Variants in ATP9B observed in about 807,000 individuals in gnomAD.
ATP9B encodes the protein probable phospholipid-transporting ATPase IIB.
Under a neutral mutation model 146.1 loss-of-function variants are expected in ATP9B, and 110 were observed. That is an observed-to-expected ratio of 0.75 (90% CI 0.65 to 0.88). The LOEUF (loss-of-function observed/expected upper bound fraction) is 0.88, where lower values mean the gene tolerates loss of function less well. ATP9B is among the 40% of genes least tolerant of loss of function. The probability of loss-of-function intolerance (pLI) is 0.00; values close to 1 mark genes in which losing one functional copy is unlikely to be tolerated. For synonymous variants in ATP9B, 604 were observed against 569.7 expected, an observed-to-expected ratio of 1.06 and a Z score of -0.86; for missense variants, 1,499 against 1,496.4, an observed-to-expected ratio of 1.00 and a Z score of -0.03.
intron 13 of ATP9B, among the ~76,000 whole-genome samples, chr18:79,294,683 G>A (rs1390245678): frequency 6.6e-6 from 1 of 152,222 alleles, no homozygotes; most frequent in Non-Finnish European, 1.5e-5. Flanking sequence ...CCTGACTTCT[G>A]TTTAACATGG....
chr18:79,359,241 T>C (rs2147817862), intron 25 of ATP9B, 113 bp from the exon 26 acceptor site: 3 of 731,006 alleles, frequency 4.1e-6, no homozygotes, highest in South Asian at 4.0e-5. Flanking sequence ...TTGTTGGTTT[T>C]TGTGGAGTAT....
intron 13 of ATP9B, among the ~76,000 whole-genome samples, chr18:79,297,528 C>G (rs1215869693): frequency 6.6e-6 from 1 of 152,176 alleles, no homozygotes; most frequent in South Asian, 2.1e-4. Context: ...GGTAATATAT[C>G]TACTTTTTAG....
At chr18:79,362,762 C>T (rs1342215075) in intron 26 of ATP9B, 1 of 152,164 alleles carries the variant, frequency 6.6e-6, no homozygotes, top group Non-Finnish European at 1.5e-5. Context: ...AATTTTGTTA[C>T]CAATTCATAA....
At chr18:79,372,212 C>T (rs557597925) in intron 26 of ATP9B, among the ~76,000 whole-genome samples, 1 of 146,082 alleles carries the variant, frequency 6.8e-6, no homozygotes, top group Non-Finnish European at 1.5e-5. Context: ...CTGCCTCCTG[C>T]CCCCTCGTCC....
At chr18:79,316,699 A>G (rs942909045) in intron 15 of ATP9B, among the ~76,000 whole-genome samples, 6 of 151,804 alleles carry the variant, frequency 4.0e-5, no homozygotes, top group African/African-American at 1.4e-4. Flanking sequence ...ATCAAGAGAA[A>G]GAAATGAACA....
chr18:79,248,255 T>C (rs1370082853), intron 11 of ATP9B, among the ~76,000 whole-genome samples: 3 of 152,040 alleles, frequency 2.0e-5, no homozygotes, highest in African/African-American at 7.3e-5. Context: ...ACTAATACTT[T>C]TAATTTAAAC....
intron 15 of ATP9B, among the ~76,000 whole-genome samples, chr18:79,327,271 G>A (rs1046206401): frequency 6.6e-6 from 1 of 152,244 alleles, no homozygotes; most frequent in African/African-American, 2.4e-5. Context: ...GAAGAGGTGG[G>A]TGAGAATGAG....
At chr18:79,333,395 G>A (rs2147183815) in intron 17 of ATP9B, among the ~76,000 whole-genome samples, 1 of 152,320 alleles carries the variant, frequency 6.6e-6, no homozygotes, top group East Asian at 1.9e-4. Context: ...GATTCTCAGT[G>A]TTCAGCACAA....
chr18:79,097,933 A>T (rs923686893), intron 2 of ATP9B, among the ~76,000 whole-genome samples: 4 of 151,674 alleles, frequency 2.6e-5, no homozygotes, highest in Non-Finnish European at 5.9e-5. Flanking sequence ...CTAGTTCTAG[A>T]TCCCTGAGGA....
At chr18:79,187,851 T>C (rs2095323117) in intron 8 of ATP9B, among the ~76,000 whole-genome samples, 2 of 152,184 alleles carry the variant, frequency 1.3e-5, no homozygotes, top group Non-Finnish European at 2.9e-5. Flanking sequence ...ATGAATGAAA[T>C]ATCAACAGAA....
At chr18:79,327,774 C>T (rs1369050125) in intron 15 of ATP9B, among the ~76,000 whole-genome samples, 28 of 120,050 alleles carry the variant, frequency 2.3e-4, no homozygotes, top group African/African-American at 7.9e-4. Flanking sequence ...CTGTGGTTAA[C>T]GTGCTCTCCG....
chr18:79,348,322 T>C lies in ATP9B; in HGVS notation c.2903+126T>C, dbSNP rs1232568064. 4.4e-6 allele frequency: 4 copies of C among 918,424 alleles called. No homozygotes were observed. In the Admixed American group the frequency reaches 9.6e-5, roughly 22 times the overall value. 56.9% of individuals were successfully genotyped at this position (918,424 alleles called of 1,614,324 possible). A position where few individuals can be genotyped will look rare whatever the true frequency, so the allele number is the denominator to read the frequency against. On this transcript the variant is annotated intron_variant, in intron 25 of 29. Coordinates refer to ENST00000426216, the MANE Select transcript of ATP9B (RefSeq NM_198531.5). ...TACAGTCATCATTTAGAATGAATAA[T>C]ACTGATGTAAAAACAACATTTTACT...
chr18:79,106,298 A>G (rs1388630119), intron 2 of ATP9B, among the ~76,000 whole-genome samples: 1 of 152,164 alleles, frequency 6.6e-6, no homozygotes, highest in East Asian at 1.9e-4. Flanking sequence ...TCGTTGTGCA[A>G]TATTTGCCAG....
intron 26 of ATP9B, chr18:79,361,695 G>A (rs1211577854): frequency 1.2e-6 from 1 of 804,024 alleles, no homozygotes; most frequent in Non-Finnish European, 1.5e-6. Context: ...TTTTCTTATT[G>A]AAGCTAAAGA....
intron 2 of ATP9B, among the ~76,000 whole-genome samples, chr18:79,106,246 C>T (rs1599588289): frequency 6.6e-6 from 1 of 152,296 alleles, no homozygotes; most frequent in East Asian, 1.9e-4. Flanking sequence ...TTGAGTAAAG[C>T]TCCTAGTTAC....
chr18:79,254,157 A>G (rs1452389860), intron 12 of ATP9B: 1 of 152,212 alleles, frequency 6.6e-6, no homozygotes, highest in Non-Finnish European at 1.5e-5. Context: ...TAAAATTTTC[A>G]TAGGAATGAG....
Position 79,110,403 on chromosome 18 carries a change from A to G in ATP9B, c.342A>G (p.Lys114=). 2.5e-6 allele frequency: 4 copies of G among 1,610,860 alleles called. No homozygotes were observed. The highest frequency in any genetic ancestry group is 2.5e-6 in the Non-Finnish European group (3 of 1,178,150). The part of the protein sequence containing the change: ...INICRRKKEL[K]ARTVWLGCPE... ...TTTGTCGAAGAAAGAAAGAGCTGAAAGCTCGCACAGTATGGCTTGGATGTC... is the reference window on the plus strand; with the variant it reads ...TTTGTCGAAGAAAGAAAGAGCTGAAGGCTCGCACAGTATGGCTTGGATGTC... The change falls in exon 3 of 30, where the codon AAA becomes AAG. Residue 114 remains lysine, a synonymous_variant. Transcript: ENST00000426216.
At chr18:79,367,706 C>T (rs1231983047) in intron 26 of ATP9B, among the ~76,000 whole-genome samples, 1 of 152,250 alleles carries the variant, frequency 6.6e-6, no homozygotes, top group African/African-American at 2.4e-5. Context: ...TCACAGTTCC[C>T]ATCACCAGGG....
At chr18:79,118,941 C>G (rs536022596) in intron 4 of ATP9B, among the ~76,000 whole-genome samples, 2 of 151,892 alleles carry the variant, frequency 1.3e-5, no homozygotes, top group South Asian at 4.2e-4. Context: ...TGTGGTGGTA[C>G]ATATCTTTAG....
Sources: allele counts gnomAD v4.1 joint callset (sites outside exome capture counted in the v4.1 genomes callset), GRCh38; gene constraint gnomAD v4.1.1; transcripts MANE v1.5; gene names NCBI Gene and HGNC (gene_info 2026-07-23, HGNC 2026-07-21).